TIAM2: variants seen among roughly 807,000 people sequenced by gnomAD.
TIAM2 encodes the protein rho guanine nucleotide exchange factor TIAM2.
A neutral mutation model predicts 152.9 loss-of-function variants in TIAM2; 80 were observed. The ratio of observed to expected loss-of-function variants is 0.52; its 90% CI spans 0.44 to 0.63. TIAM2 has a LOEUF of 0.63. Among genes scored for constraint, TIAM2 ranks in the 30% least tolerant of loss-of-function variants. TIAM2 has a pLI of 0.00. For missense variants in TIAM2, 1,965 were observed against 2,120.1 expected (o/e 0.93, Z 1.44); for synonymous variants, 804 against 838.0 (o/e 0.96, Z 0.70).
intron 1 of TIAM2, among the ~76,000 whole-genome samples, chr6:155,021,445 A>G (rs1441486086): frequency 6.6e-6 from 1 of 152,034 alleles, no homozygotes; most frequent in Non-Finnish European, 1.5e-5. Flanking sequence ...TATCTTTAGT[A>G]GAGACGGGGT....
At position 155,253,974 on chromosome 6, in the gene TIAM2, G is replaced by T. The variant is rs751913704; in HGVS notation, c.4227G>T (p.Gly1409=). ...TTGTTTCCATTTCCTTTTACATAGG[G>T]ACAGAAAATAATTCCATATGGGAAC... ...ALQVRLGNPA[G]TENNSIWELI... Residue 1409 remains glycine (G), a splice_region_variant and synonymous_variant, in exon 25 of 27, where the codon GGG becomes GGT. Transcript: ENST00000682666. 3.3e-5 allele frequency: 53 copies of T among 1,611,738 alleles called. No homozygotes were observed. The highest frequency in any genetic ancestry group is 4.2e-5 in the Non-Finnish European group (49 of 1,179,284).
chr6:155,040,478 ATGG>A (rs1484562773), intron 1 of TIAM2, among the ~76,000 whole-genome samples: 2 of 152,130 alleles, frequency 1.3e-5, no homozygotes, highest in African/African-American at 4.8e-5. Flanking sequence ...GGTTTTGGTA[ATGG>A]TGGTGCTTTA....
At chr6:155,143,755 C>T (rs998910666) in intron 5 of TIAM2, among the ~76,000 whole-genome samples, 3 of 152,156 alleles carry the variant, frequency 2.0e-5, no homozygotes, top group African/African-American at 7.2e-5. Flanking sequence ...CCTGAGTTCA[C>T]ATCCCTGCTG....
intron 14 of TIAM2, among the ~76,000 whole-genome samples, chr6:155,193,659 C>T (rs1255600175): frequency 1.3e-5 from 2 of 152,140 alleles, no homozygotes; most frequent in South Asian, 2.1e-4. Context: ...CTCAATGCTA[C>T]GATTGTGCTT....
intron 15 of TIAM2, among the ~76,000 whole-genome samples, chr6:155,235,456 C>T (rs1303471584): frequency 6.6e-6 from 1 of 152,184 alleles, no homozygotes. Flanking sequence ...TATCCCAGCC[C>T]AGATAATCAC....
intron 9 of TIAM2, among the ~76,000 whole-genome samples, chr6:155,172,659 TA>T (rs1562341002): frequency 0.012 from 105 of 9,024 alleles, 6 homozygotes; most frequent in African/African-American, 0.026. Context: ...TATATATATA[TA>T]TATATATATA....
At chr6:155,000,420 A>G (rs1778293060) in intron 1 of TIAM2, among the ~76,000 whole-genome samples, 2 of 151,260 alleles carry the variant, frequency 1.3e-5, no homozygotes, top group African/African-American at 4.8e-5. Flanking sequence ...AATCCCAGCT[A>G]CTTGGGAAAC....
rs758629611 is a variant in TIAM2, at chr6:155,165,408, A to AGGT, written c.2361+1_2361+3dup. ...AAGGAGAAGAGACCTTCTATAACTC[A>AGGT]GGTGAGCTTTTCAGCATGGGAACAG... On this transcript the variant is annotated inframe_insertion and splice_region_variant, in exon 9 of 27. Coordinates refer to ENST00000682666, the MANE Select transcript of TIAM2 (RefSeq NM_012454.4). 117 of 1,609,684 alleles carry AGGT rather than the reference A, an allele frequency of 7.3e-5. No homozygotes were observed. The highest frequency in any genetic ancestry group is 9.6e-5 in the Non-Finnish European group (113 of 1,178,760).
At chr6:155,125,725 C>G (rs1779277930) in intron 2 of TIAM2, among the ~76,000 whole-genome samples, 1 of 151,654 alleles carries the variant, frequency 6.6e-6, no homozygotes, top group African/African-American at 2.4e-5. Flanking sequence ...ATAATCACAG[C>G]TACTTGAGAG....
intron 1 of TIAM2, among the ~76,000 whole-genome samples, chr6:155,045,584 T>G (rs987055232): frequency 2.0e-5 from 3 of 152,184 alleles, no homozygotes; most frequent in African/African-American, 7.2e-5. Flanking sequence ...GTGGTTGGTT[T>G]GTTTTACTGA....
chr6:155,081,650 T>C (rs1358827288), intron 1 of TIAM2, among the ~76,000 whole-genome samples: 1 of 152,176 alleles, frequency 6.6e-6, no homozygotes, highest in Non-Finnish European at 1.5e-5. Flanking sequence ...TTGAGGGCTG[T>C]TTAAGCCACA....
chr6:155,020,905 C>G (rs1186737904), intron 1 of TIAM2, among the ~76,000 whole-genome samples: 4 of 152,192 alleles, frequency 2.6e-5, no homozygotes, highest in African/African-American at 9.6e-5. Context: ...TCTTCTTCCT[C>G]CACCCTGGCA....
At chr6:155,006,292 G>A (rs1358249686) in intron 1 of TIAM2, among the ~76,000 whole-genome samples, 1 of 152,122 alleles carries the variant, frequency 6.6e-6, no homozygotes, top group Non-Finnish European at 1.5e-5. Context: ...TAAAGAAGAT[G>A]TTTATAATCA....
At chr6:155,077,267 C>T (rs941421926) in intron 1 of TIAM2, among the ~76,000 whole-genome samples, 5 of 151,724 alleles carry the variant, frequency 3.3e-5, no homozygotes, top group Non-Finnish European at 7.4e-5. Flanking sequence ...CTTGACCATT[C>T]AGAAGACTTC....
At chr6:155,109,407 A>G (rs1041316066) in intron 2 of TIAM2, among the ~76,000 whole-genome samples, 2 of 152,234 alleles carry the variant, frequency 1.3e-5, no homozygotes, top group Admixed American at 6.5e-5. Context: ...TGAAGGTAAT[A>G]ACAGCTTTAC....
At chr6:155,014,835 T>C (rs1257979520) in intron 1 of TIAM2, among the ~76,000 whole-genome samples, 1 of 152,226 alleles carries the variant, frequency 6.6e-6, no homozygotes, top group Admixed American at 6.5e-5. Flanking sequence ...GATTCCTTCT[T>C]TGCAAATTCT....
intron 8 of TIAM2, 140 bp from the exon 9 acceptor site, chr6:155,165,123 C>A: frequency 1.1e-6 from 1 of 884,468 alleles, no homozygotes. Context: ...ATGATGGATG[C>A]TTTCCTGGTA....
intron 2 of TIAM2, among the ~76,000 whole-genome samples, chr6:155,100,530 T>C (rs1378051127): frequency 2.6e-5 from 4 of 152,122 alleles, no homozygotes; most frequent in Non-Finnish European, 5.9e-5. Context: ...TTACCACCAC[T>C]GCCACCATCA....
intron 1 of TIAM2, among the ~76,000 whole-genome samples, chr6:155,061,005 A>T (rs1171815015): frequency 6.7e-6 from 1 of 148,564 alleles, no homozygotes; most frequent in African/African-American, 2.6e-5. Context: ...AATTTTCTCT[A>T]TTCCAGTTCC....
Sources: gnomAD v4.1 joint callset for allele counts (sites outside exome capture counted in the v4.1 genomes callset) on GRCh38, gnomAD v4.1.1 for gene constraint, MANE v1.5 for transcripts, NCBI Gene and HGNC (gene_info 2026-07-23, HGNC 2026-07-21) for gene names.